The following C2CD3 variants were observed in gnomAD, a reference collection of about 807,000 sequenced individuals.
C2CD3 encodes the protein C2 domain containing 3 centriole elongation regulator, also known as C2 domain-containing protein 3.
In C2CD3, 148 loss-of-function variants were observed where a neutral mutation model predicts 234.0. That is an observed-to-expected ratio of 0.63 (90% CI 0.55 to 0.72). The LOEUF (loss-of-function observed/expected upper bound fraction) is 0.72. C2CD3 is among the 30% of genes least tolerant of loss of function. The pLI is 0.00. For synonymous variants in C2CD3, 1,000 were observed against 1,035.4 expected, an observed-to-expected ratio of 0.97 and a Z score of 0.66; for missense variants, 2,577 against 2,811.5, an observed-to-expected ratio of 0.92 and a Z score of 1.89.
rs1952806792 is a variant in C2CD3, at chr11:74,037,647, G to A, written c.5712C>T (p.Leu1904=). ...GGCTGAGGGGTAGGAAAGGCTTGGT[G>A]AGCTTCTGGCGGAAGTACCTCTGAA... ...DQIQRYFRQK[L]TKPFLPLSPQ... The change falls in exon 30 of 33, where the codon CTC becomes CTT. Residue 1904 remains leucine (L), a synonymous_variant. Transcript: ENST00000334126. The A allele has an allele frequency of 6.2e-7, 1 of 1,614,116 alleles. No individual in the cohort carries two copies.
intron 24 of C2CD3, among the ~76,000 whole-genome samples, chr11:74,074,003 G>A (rs977818549): frequency 1.3e-5 from 2 of 152,172 alleles, no homozygotes; most frequent in Non-Finnish European, 2.9e-5. Context: ...TTAGGGATCC[G>A]ATGATTTGAC....
chr11:74,135,329 A>G (rs377532512), intron 5 of C2CD3, among the ~76,000 whole-genome samples: 2 of 151,322 alleles, frequency 1.3e-5, no homozygotes, highest in South Asian at 2.1e-4. Context: ...GTGCACTGGC[A>G]TGATCATGAC....
At chr11:74,043,953 A>T (rs1305858935) in intron 28 of C2CD3, among the ~76,000 whole-genome samples, 1 of 152,000 alleles carries the variant, frequency 6.6e-6, no homozygotes, top group Non-Finnish European at 1.5e-5. Flanking sequence ...CCTCCTAAGT[A>T]GCTGAGACCA....
chr11:74,124,562 G>A (rs979433311), intron 7 of C2CD3, among the ~76,000 whole-genome samples: 1 of 151,900 alleles, frequency 6.6e-6, no homozygotes, highest in Non-Finnish European at 1.5e-5. Context: ...TCATGGGGTT[G>A]GGGTGGGGAA....
chr11:74,050,449 G>A (rs982211581), intron 26 of C2CD3, among the ~76,000 whole-genome samples: 1 of 152,072 alleles, frequency 6.6e-6, no homozygotes, highest in African/African-American at 2.4e-5. Flanking sequence ...CATATTCTTT[G>A]CTACTTATTC....
chr11:74,103,027 C>T, intron 14 of C2CD3, 104 bp downstream of exon 14: 1 of 1,152,352 alleles, frequency 8.7e-7, no homozygotes, highest in Non-Finnish European at 1.2e-6. Context: ...TACGAAGGTT[C>T]CTTCTAGTCT....
chr11:74,098,497 T>C (rs1956194313), intron 15 of C2CD3, among the ~76,000 whole-genome samples: 1 of 152,222 alleles, frequency 6.6e-6, no homozygotes, highest in African/African-American at 2.4e-5. Context: ...TGTAGCATTA[T>C]GGACCCAAGT....
intron 30 of C2CD3, chr11:74,036,616 G>A (rs1210059882): frequency 2.4e-6 from 1 of 424,090 alleles, no homozygotes; most frequent in Admixed American, 2.6e-5. Context: ...GCAAAAACAA[G>A]TGAGGGCTGA....
At chr11:74,149,248 A>G (rs1855433712) in intron 3 of C2CD3, among the ~76,000 whole-genome samples, 1 of 152,246 alleles carries the variant, frequency 6.6e-6, no homozygotes, top group Non-Finnish European at 1.5e-5. Flanking sequence ...CTACAATTAT[A>G]GTATGAACAT....
chr11:74,154,864 A>T (rs933624084), intron 3 of C2CD3, among the ~76,000 whole-genome samples: 2 of 152,250 alleles, frequency 1.3e-5, no homozygotes, highest in Non-Finnish European at 2.9e-5. Flanking sequence ...GTCATCAGGA[A>T]ATACAAATGA....
Position 74,123,432 on chromosome 11 carries a change from GGCTAA to G in C2CD3, c.1218-302_1218-298del, listed in dbSNP as rs550155931. Among the ~76,000 whole-genome samples, 368 of 152,212 alleles carry G rather than the reference GGCTAA, an allele frequency of 2.4e-3. 2 individuals are homozygous for G. The highest frequency in any genetic ancestry group is 3.3e-3 in the Non-Finnish European group (223 of 68,012). On this transcript the variant is annotated intron_variant, in intron 7 of 32. Coordinates refer to ENST00000334126, the MANE Select transcript of C2CD3 (RefSeq NM_001286577.2). The stretch of plus-strand genomic sequence containing the variant: ...GCTAGGTCCTGGAAGATATAGAGGT[GGCTAA>G]GCTAACACAATCTGTACTCTTGTAT...
At chr11:74,076,665 C>T (rs1287382675) in intron 23 of C2CD3, among the ~76,000 whole-genome samples, 1 of 152,182 alleles carries the variant, frequency 6.6e-6, no homozygotes, top group Non-Finnish European at 1.5e-5. Context: ...ATCTATGTAT[C>T]CTAACATGCA....
intron 20 of C2CD3, among the ~76,000 whole-genome samples, 158 bp downstream of exon 20, chr11:74,090,655 G>C (rs1388102246): frequency 6.6e-6 from 1 of 152,216 alleles, no homozygotes; most frequent in Non-Finnish European, 1.5e-5. Flanking sequence ...GTTTGCAAGT[G>C]ATTTACTCAT....
chr11:74,059,107 T>C (rs1052305877), intron 24 of C2CD3, among the ~76,000 whole-genome samples: 2 of 152,176 alleles, frequency 1.3e-5, no homozygotes, highest in African/African-American at 2.4e-5. Flanking sequence ...CAGAAAAGAA[T>C]AGAAGAAGTA....
chr11:74,074,426 T>G lies in C2CD3; in HGVS notation c.4778A>C (p.Gln1593Pro). 1 of 1,614,202 alleles carries G rather than the reference T, an allele frequency of 6.2e-7. No homozygotes were observed. The highest frequency in any genetic ancestry group is 8.5e-7 in the Non-Finnish European group (1 of 1,180,028). Residue 1593 changes from glutamine to proline, a missense_variant, in exon 24 of 33, where the codon CAG (glutamine) becomes CCG (proline). Coordinates refer to ENST00000334126, the MANE Select transcript of C2CD3 (RefSeq NM_001286577.2). ...EQLPRRNDEV[Q>P]LSPPEVISCH... ...GGAGATGACTTCTGGTGGAGAGAGC[T>G]GGACCTCATCATTCCTTCTGGGGAG...
chr11:74,137,282 T>C (rs767001521), intron 5 of C2CD3, among the ~76,000 whole-genome samples: 29 of 152,050 alleles, frequency 1.9e-4, no homozygotes, highest in Non-Finnish European at 3.4e-4. Context: ...TTCCAATCAA[T>C]ATAAAATCCA....
intron 25 of C2CD3, among the ~76,000 whole-genome samples, chr11:74,055,786 A>G (rs1470118867): frequency 6.6e-6 from 1 of 152,140 alleles, no homozygotes; most frequent in Non-Finnish European, 1.5e-5. Flanking sequence ...GCCATTATTC[A>G]TTTTTCTTCC....
At chr11:74,153,457 A>G (rs1292100579) in intron 3 of C2CD3, among the ~76,000 whole-genome samples, 1 of 152,236 alleles carries the variant, frequency 6.6e-6, no homozygotes, top group Non-Finnish European at 1.5e-5. Flanking sequence ...TCAAGAGTCA[A>G]TGAAGAGCAT....
intron 9 of C2CD3, among the ~76,000 whole-genome samples, chr11:74,115,626 T>C: frequency 6.6e-6 from 1 of 151,988 alleles, no homozygotes; most frequent in South Asian, 2.1e-4. Flanking sequence ...AAAAAAAATG[T>C]TAAAATTCAT....
Sources: gnomAD v4.1 joint callset for allele counts (sites outside exome capture counted in the v4.1 genomes callset) on GRCh38, gnomAD v4.1.1 for gene constraint, MANE v1.5 for transcripts, NCBI Gene and HGNC (gene_info 2026-07-23, HGNC 2026-07-21) for gene names.